Variants in ATP6V0E1 observed in about 807,000 individuals in gnomAD.
The protein encoded by ATP6V0E1 is ATPase H+ transporting V0 subunit e1, also known as V-type proton ATPase subunit e 1.
Under a neutral mutation model 11.6 loss-of-function variants are expected in ATP6V0E1, and 4 were observed. The ratio of observed to expected loss-of-function variants is 0.35; its 90% confidence interval spans 0.17 to 0.79. The LOEUF (loss-of-function observed/expected upper bound fraction) is 0.79. Among genes scored for constraint, ATP6V0E1 ranks in the 30% least tolerant of loss-of-function variants. The probability of loss-of-function intolerance (pLI) is 0.54; values close to 1 mark genes in which losing one functional copy is unlikely to be tolerated. For synonymous variants in ATP6V0E1, 36 were observed against 34.8 expected (o/e 1.04, Z -0.13); for missense variants, 105 against 100.0 (o/e 1.05, Z -0.21).
chr5:173,014,392 A>G (rs1405733409), intron 2 of ATP6V0E1, among the ~76,000 whole-genome samples: 4 of 152,184 alleles, frequency 2.6e-5, no homozygotes, highest in Non-Finnish European at 5.9e-5. Context: ...AGAAATCAGT[A>G]TATATAAAAG....
chr5:173,005,198 GTGT>G (rs1756211771), intron 2 of ATP6V0E1, among the ~76,000 whole-genome samples: 6 of 151,130 alleles, frequency 4.0e-5, no homozygotes, highest in Admixed American at 4.0e-4. Context: ...AATTGGGATT[GTGT>G]TGAATATATC....
intron 3 of ATP6V0E1, among the ~76,000 whole-genome samples, chr5:173,032,772 T>C (rs933962371): frequency 6.6e-6 from 1 of 152,196 alleles, no homozygotes; most frequent in Non-Finnish European, 1.5e-5. Flanking sequence ...ACAAACCATA[T>C]GTATTCACTA....
At chr5:173,013,541 C>T (rs983967786) in intron 2 of ATP6V0E1, among the ~76,000 whole-genome samples, 5 of 144,404 alleles carry the variant, frequency 3.5e-5, no homozygotes, top group African/African-American at 1.3e-4. Context: ...CGCCACTGCA[C>T]TCCAGCCTGG....
intron 1 of ATP6V0E1, among the ~76,000 whole-genome samples, chr5:172,989,314 A>G (rs1755945470): frequency 6.6e-6 from 1 of 152,108 alleles, no homozygotes; most frequent in Admixed American, 6.6e-5. Flanking sequence ...ATTCTAGCCT[A>G]GGCAACAGAG....
chr5:173,014,199 C>G (rs1393104333), intron 2 of ATP6V0E1, among the ~76,000 whole-genome samples: 3 of 146,848 alleles, frequency 2.0e-5, no homozygotes, highest in African/African-American at 7.5e-5. Flanking sequence ...ATAACAGATG[C>G]CAGCAAGGAT....
intron 1 of ATP6V0E1, among the ~76,000 whole-genome samples, chr5:172,994,558 A>G (rs188656335): frequency 1.1e-4 from 17 of 152,316 alleles, no homozygotes; most frequent in Admixed American, 3.9e-4. Context: ...GCATCAGCAC[A>G]TATCTCTTTA....
intron 2 of ATP6V0E1, among the ~76,000 whole-genome samples, chr5:173,000,255 C>A (rs1194049564): frequency 6.6e-6 from 1 of 152,166 alleles, no homozygotes; most frequent in Non-Finnish European, 1.5e-5. Context: ...AATCCAGTTT[C>A]TGTTAATAGT....
intron 1 of ATP6V0E1, 21 bp from the exon 2 acceptor site, chr5:172,994,754 T>A (rs1422810451): frequency 6.5e-7 from 1 of 1,542,722 alleles, no homozygotes; most frequent in South Asian, 1.2e-5. Context: ...TAATGACATT[T>A]GCATTTTTTT....
chr5:173,022,433 G>A (rs1756500071), intron 3 of ATP6V0E1, among the ~76,000 whole-genome samples: 1 of 152,156 alleles, frequency 6.6e-6, no homozygotes, highest in South Asian at 2.1e-4. Flanking sequence ...AATCATTTTA[G>A]TTGAAATGGC....
intron 2 of ATP6V0E1, among the ~76,000 whole-genome samples, chr5:173,003,947 A>C (rs1756192561): frequency 6.6e-6 from 1 of 152,182 alleles, no homozygotes; most frequent in Non-Finnish European, 1.5e-5. Flanking sequence ...GAGGCCAGGG[A>C]TGCTGCTGAA....
chr5:172,984,027 G>A, intron 1 of ATP6V0E1, 63 bp downstream of exon 1: 3 of 1,500,554 alleles, frequency 2.0e-6, no homozygotes, highest in South Asian at 1.1e-5. Flanking sequence ...CCGGGGCGGG[G>A]AAAGGCACGA....
chr5:173,018,992 G>C (rs569697017), intron 2 of ATP6V0E1, among the ~76,000 whole-genome samples: 3 of 152,020 alleles, frequency 2.0e-5, no homozygotes, highest in Non-Finnish European at 4.4e-5. Flanking sequence ...GTCTCACTCT[G>C]TTGCCCAGGC....
chr5:173,023,442 C>T (rs145343830), intron 3 of ATP6V0E1, among the ~76,000 whole-genome samples: 196 of 152,324 alleles, frequency 1.3e-3, no homozygotes, highest in Admixed American at 5.4e-3. Context: ...GTGATCCACC[C>T]GCCTAGGCCT....
chr5:172,989,484 C>T (rs1320323851), intron 1 of ATP6V0E1, among the ~76,000 whole-genome samples: 1 of 152,114 alleles, frequency 6.6e-6, no homozygotes, highest in Non-Finnish European at 1.5e-5. Context: ...GTTTCTCTCC[C>T]TTCTTTCCTC....
chr5:173,031,102 A>T (rs7721492), intron 3 of ATP6V0E1, among the ~76,000 whole-genome samples: 1 of 151,622 alleles, frequency 6.6e-6, no homozygotes, highest in African/African-American at 2.4e-5. Context: ...CCGCCACCAT[A>T]CCTGGCTAAT....
chr5:173,014,509 A>T (rs1277984760), intron 2 of ATP6V0E1, among the ~76,000 whole-genome samples: 1 of 152,218 alleles, frequency 6.6e-6, no homozygotes, highest in Non-Finnish European at 1.5e-5. Flanking sequence ...AAAATGTGTT[A>T]TATGTACACT....
chr5:172,983,996 G>C, intron 1 of ATP6V0E1, 32 bp downstream of exon 1: 2 of 1,599,788 alleles, frequency 1.3e-6, no homozygotes, highest in South Asian at 2.2e-5. Context: ...TGGGAGGAAC[G>C]GGCGGTGAGG....
intron 2 of ATP6V0E1, among the ~76,000 whole-genome samples, chr5:172,995,430 A>AT (rs1275146211): frequency 6.6e-6 from 1 of 152,024 alleles, no homozygotes; most frequent in East Asian, 1.9e-4. Context: ...AGATCTACTT[A>AT]TTTTACTGAA....
At chr5:172,994,956 A>T (rs1369851530) in intron 2 of ATP6V0E1, 134 bp downstream of exon 2, 1 of 664,902 alleles carries the variant, frequency 1.5e-6, no homozygotes, top group East Asian at 2.7e-5. Flanking sequence ...CACACTTTTC[A>T]TATGCTCAGT....
Sources: gnomAD v4.1 joint callset for allele counts (sites outside exome capture counted in the v4.1 genomes callset) on GRCh38, gnomAD v4.1.1 for gene constraint, MANE v1.5 for transcripts, NCBI Gene and HGNC (gene_info 2026-07-23, HGNC 2026-07-21) for gene names.